The following LRRC63 variants were observed in gnomAD, a reference collection of about 807,000 sequenced individuals.
LRRC63 encodes the protein leucine rich repeat containing 63, also known as leucine-rich repeat-containing protein 63.
Under a neutral mutation model 49.5 loss-of-function variants are expected in LRRC63, and 40 were observed. The ratio of observed to expected loss-of-function variants is 0.81; its 90% confidence interval spans 0.63 to 1.05. The LOEUF is 1.05. Ranked by LOEUF, LRRC63 falls within the 50% of genes least tolerant of loss-of-function variation. The pLI, the probability that LRRC63 is intolerant of heterozygous loss-of-function variation, is 0.00. For synonymous variants in LRRC63, 191 were observed against 221.1 expected, an observed-to-expected ratio of 0.86 and a Z score of 1.21; for missense variants, 636 against 663.1, an observed-to-expected ratio of 0.96 and a Z score of 0.45.
chr13:46,231,094 T>G (rs2046741709), intron 4 of LRRC63, among the ~76,000 whole-genome samples: 1 of 152,206 alleles, frequency 6.6e-6, no homozygotes, highest in Non-Finnish European at 1.5e-5. Context: ...AATATCAACA[T>G]TTTGGTCATG....
chr13:46,251,231 T>C (rs1349354639), intron 7 of LRRC63, among the ~76,000 whole-genome samples: 2 of 151,904 alleles, frequency 1.3e-5, no homozygotes, highest in Non-Finnish European at 2.9e-5. Flanking sequence ...TTTATAAAGA[T>C]GTTCATTCAG....
chr13:46,244,910 TAG>T (rs1278360887), intron 5 of LRRC63, among the ~76,000 whole-genome samples: 1 of 152,108 alleles, frequency 6.6e-6, no homozygotes, highest in East Asian at 1.9e-4. Flanking sequence ...ATAAAAAAAA[TAG>T]AGATTGTCAA....
chr13:46,276,784 A>G (rs2138607293), exon 10 of LRRC63: 1 of 1,178,214 alleles, frequency 8.5e-7, no homozygotes. Context: ...CTAGATGTGG[A>G]GTTGTCAAAA....
intron 6 of LRRC63, among the ~76,000 whole-genome samples, chr13:46,249,171 T>C (rs1213524354): frequency 6.6e-6 from 1 of 151,794 alleles, no homozygotes; most frequent in African/African-American, 2.4e-5. Flanking sequence ...GCTGTAAATG[T>C]AAATCTTTTA....
At chr13:46,238,119 A>G (rs1011760136) in intron 5 of LRRC63, among the ~76,000 whole-genome samples, 1 of 152,210 alleles carries the variant, frequency 6.6e-6, no homozygotes, top group Non-Finnish European at 1.5e-5. Flanking sequence ...CTAAATATAT[A>G]TGCACCCAAT....
chr13:46,262,857 A>C (rs2047634294), intron 8 of LRRC63, among the ~76,000 whole-genome samples: 1 of 152,200 alleles, frequency 6.6e-6, no homozygotes, highest in South Asian at 2.1e-4. Context: ...CTTAAAACTA[A>C]TGTGTGTAAC....
intron 8 of LRRC63, 88 bp downstream of exon 8, chr13:46,262,080 T>C: frequency 5.0e-6 from 2 of 403,464 alleles, no homozygotes; most frequent in Non-Finnish European, 8.5e-6. Flanking sequence ...CTTTCATTTA[T>C]TTAATAGCCA....
chr13:46,217,599 T>C (rs2046289081), intron 2 of LRRC63, among the ~76,000 whole-genome samples: 1 of 152,226 alleles, frequency 6.6e-6, no homozygotes, highest in Admixed American at 6.5e-5. Context: ...TTCATGTCTT[T>C]AACTCCTTCA....
At chr13:46,250,542 G>A (rs769221129) in intron 7 of LRRC63, 51 bp downstream of exon 7, 114 of 1,393,618 alleles carry the variant, frequency 8.2e-5, no homozygotes, top group East Asian at 7.9e-4. Flanking sequence ...TCATAATTTC[G>A]AAAAAGATCA....
At chr13:46,275,248 T>C (rs2047818064) in intron 9 of LRRC63, among the ~76,000 whole-genome samples, 1 of 152,222 alleles carries the variant, frequency 6.6e-6, no homozygotes, top group African/African-American at 2.4e-5. Flanking sequence ...CAACTCCATA[T>C]CTTGGCGATT....
chr13:46,260,798 A>C (rs143507667), intron 7 of LRRC63, among the ~76,000 whole-genome samples: 201 of 152,328 alleles, frequency 1.3e-3, no homozygotes, highest in Middle Eastern at 6.8e-3. Flanking sequence ...CCACAGAGGA[A>C]TATGGGGGAT....
intron 6 of LRRC63, chr13:46,249,861 T>G (rs551724481): frequency 3.3e-5 from 5 of 152,124 alleles, no homozygotes; most frequent in African/African-American, 1.2e-4. Context: ...TTGTATAAAT[T>G]TAAGAGGAAG....
intron 5 of LRRC63, among the ~76,000 whole-genome samples, chr13:46,242,825 C>T (rs1214678534): frequency 6.7e-6 from 1 of 150,342 alleles, no homozygotes; most frequent in African/African-American, 2.4e-5. Flanking sequence ...TCTCTTCAAA[C>T]ACAAAGGAGA....
Position 46,227,484 on chromosome 13 carries a change from T to C in LRRC63, c.86-28T>C, listed in dbSNP as rs182664682. ...CTGTGACATATTGATAAATATAATT[T>C]AATTTTTCTTTTTTTCTTTTGGTTT... On this transcript the variant is annotated intron_variant, in intron 2 of 9. Coordinates refer to ENST00000595396, the Ensembl canonical transcript of LRRC63. 2.0e-4 allele frequency: 269 copies of C among 1,346,954 alleles called. 2 individuals are homozygous for C. The East Asian group carries it at 6.2e-3, about 31-fold the overall frequency. The allele number at this position is 1,346,954 out of a possible 1,614,324, so 83.4% of individuals were successfully genotyped here. A position where few individuals can be genotyped will look rare whatever the true frequency, so the allele number is the denominator to read the frequency against.
intron 5 of LRRC63, among the ~76,000 whole-genome samples, chr13:46,244,736 C>T (rs6561304): frequency 0.52 from 79,593 of 152,004 alleles, 24,596 homozygotes; most frequent in African/African-American, 0.85. Flanking sequence ...TGCCACTGGA[C>T]TCCAGGCAGG....
intron 7 of LRRC63, among the ~76,000 whole-genome samples, chr13:46,260,714 G>A (rs1244082818): frequency 6.6e-6 from 1 of 152,096 alleles, no homozygotes; most frequent in Non-Finnish European, 1.5e-5. Flanking sequence ...GTCAAGCTTG[G>A]GGAAATTTTA....
chr13:46,271,724 A>AC (rs1353573964), intron 9 of LRRC63, among the ~76,000 whole-genome samples: 6 of 150,850 alleles, frequency 4.0e-5, no homozygotes, highest in Admixed American at 1.3e-4. Flanking sequence ...TTTAAACTAA[A>AC]AAAAAAAAAA....
intron 2 of LRRC63, among the ~76,000 whole-genome samples, chr13:46,218,513 T>A (rs1201850801): frequency 6.6e-6 from 1 of 152,172 alleles, no homozygotes; most frequent in Non-Finnish European, 1.5e-5. Flanking sequence ...GTGAGATGGG[T>A]CTCCTGAATA....
intron 4 of LRRC63, 100 bp downstream of exon 4, chr13:46,228,833 C>A: frequency 1.3e-6 from 1 of 762,152 alleles, no homozygotes; most frequent in Non-Finnish European, 2.2e-6. Context: ...GTGATTCACA[C>A]ATGCATAACA....
Sources: allele counts gnomAD v4.1 joint callset (sites outside exome capture counted in the v4.1 genomes callset), GRCh38; gene constraint gnomAD v4.1.1; transcripts MANE v1.5; gene names NCBI Gene and HGNC (gene_info 2026-07-23, HGNC 2026-07-21).